Variants in USP24 observed in about 807,000 individuals in gnomAD.
USP24 encodes the protein ubiquitin carboxyl-terminal hydrolase 24.
In USP24, 97 loss-of-function variants were observed where a neutral mutation model predicts 361.6. That is an observed-to-expected ratio of 0.27 (90% CI 0.23 to 0.32). The LOEUF (loss-of-function observed/expected upper bound fraction) is 0.32, where lower values mean the gene tolerates loss of function less well. USP24 is among the 10% of genes least tolerant of loss of function. The pLI, the probability that USP24 is intolerant of heterozygous loss-of-function variation, is 1.00. For missense variants in USP24, 2,353 were observed against 3,165.6 expected (o/e 0.74, Z 6.16); for synonymous variants, 1,098 against 1,124.6 (o/e 0.98, Z 0.47).
intron 28 of USP24, among the ~76,000 whole-genome samples, chr1:55,136,050 G>T (rs1317557407): frequency 3.3e-5 from 5 of 151,852 alleles, no homozygotes; most frequent in Admixed American, 1.3e-4. Flanking sequence ...GGGAGAGAGA[G>T]ATAAACAAGA....
intron 8 of USP24, among the ~76,000 whole-genome samples, chr1:55,160,675 C>T (rs1257139524): frequency 6.6e-6 from 1 of 152,134 alleles, no homozygotes; most frequent in Non-Finnish European, 1.5e-5. Flanking sequence ...GGAATTCATA[C>T]ACTTCTTGTT....
chr1:55,174,041 C>T (rs1649707979), intron 3 of USP24, among the ~76,000 whole-genome samples: 1 of 152,214 alleles, frequency 6.6e-6, no homozygotes, highest in African/African-American at 2.4e-5. Flanking sequence ...AAGGTTTAAA[C>T]ATAACCATGC....
intron 28 of USP24, among the ~76,000 whole-genome samples, chr1:55,135,865 G>A (rs953795370): frequency 5.3e-5 from 8 of 152,106 alleles, no homozygotes; most frequent in South Asian, 4.1e-4. Flanking sequence ...ACAGTCTTAC[G>A]CAGCTTTGTA....
chr1:55,134,963 A>G (rs1033994270), intron 28 of USP24, among the ~76,000 whole-genome samples: 12 of 152,214 alleles, frequency 7.9e-5, no homozygotes, highest in African/African-American at 2.4e-4. Context: ...GTTATAAGGA[A>G]TAAGAAATCG....
At chr1:55,143,822 T>C (rs1646954931) in intron 21 of USP24, among the ~76,000 whole-genome samples, 1 of 152,120 alleles carries the variant, frequency 6.6e-6, no homozygotes, top group African/African-American at 2.4e-5. Context: ...TTAGGTGAAC[T>C]ATCCCTGCTC....
At position 55,069,088 on chromosome 1, in the gene USP24, A is replaced by G; in HGVS notation, c.7820T>C (p.Met2607Thr). 6.2e-7 allele frequency: 1 copy of G among 1,614,008 alleles called. No individual in the cohort carries two copies. Among genetic ancestry groups the G allele is most frequent in the Admixed American group, 1.7e-5 (1 of 60,026 alleles). Residue 2607 changes from methionine (M) to threonine (T), a missense_variant, in exon 68 of 68, where the codon ATG becomes ACG. This residue lies in a region of USP24 where 53 missense variants were observed against 57.7 expected (regional missense o/e 0.92). Transcript: ENST00000294383. ...AAGGTCACTTCTCAACTCACCAATC[A>G]TCATGGGAGATTCTGAACCCTGCAG... ...HLQQGSESPMMIGELRSDLDD... is the reference protein window; with the variant it reads ...HLQQGSESPMTIGELRSDLDD...
chr1:55,105,622 C>A (rs1474944328), intron 41 of USP24, among the ~76,000 whole-genome samples: 1 of 152,146 alleles, frequency 6.6e-6, no homozygotes, highest in African/African-American at 2.4e-5. Flanking sequence ...AGTATAAATA[C>A]CACTCAAGGA....
chr1:55,132,514 A>G, intron 31 of USP24, 31 bp downstream of exon 31: 1 of 1,592,376 alleles, frequency 6.3e-7, no homozygotes, highest in Non-Finnish European at 8.6e-7. Flanking sequence ...AGACCTGTCA[A>G]AATGAAATGG....
At chr1:55,086,340 C>A in intron 55 of USP24, 1 of 372,184 alleles carries the variant, frequency 2.7e-6, no homozygotes, top group East Asian at 4.9e-5. Flanking sequence ...TACAATCAGA[C>A]TCAGCTGCAA....
chr1:55,200,444 G>A (rs1644540168), intron 1 of USP24, among the ~76,000 whole-genome samples: 2 of 152,154 alleles, frequency 1.3e-5, no homozygotes, highest in Admixed American at 6.5e-5. Flanking sequence ...CCAGAAGAGA[G>A]CCAAAGACAT....
Position 55,079,563 on chromosome 1 carries a change from G to T in USP24, c.7175C>A (p.Ser2392Tyr). 6.3e-7 allele frequency: 1 copy of T among 1,577,554 alleles called. No homozygotes were observed. The highest frequency in any genetic ancestry group is 8.6e-7 in the Non-Finnish European group (1 of 1,167,970). The change falls in exon 60 of 68, where the codon TCT becomes TAT. Residue 2392 changes from serine to tyrosine, a missense_variant. Physicochemically the swap from Ser to Tyr is moderately radical, Grantham distance 144. Transcript: ENST00000294383. Reference sequence around the variant, plus strand: ...CTCTAACAGGTAAGGTTTCCCTTCAGACATGAACAACAAGGCTTCTACCTC... The same window carrying T: ...CTCTAACAGGTAAGGTTTCCCTTCATACATGAACAACAAGGCTTCTACCTC... Reference protein sequence around the residue: ...HEEVEALLFMSEGKPYLLEVM... With the variant: ...HEEVEALLFMYEGKPYLLEVM...
At chr1:55,117,467 G>T (rs1646147345) in intron 38 of USP24, among the ~76,000 whole-genome samples, 1 of 152,180 alleles carries the variant, frequency 6.6e-6, no homozygotes, top group Non-Finnish European at 1.5e-5. Context: ...GGTGGCTCAC[G>T]CCTGTAATCC....
intron 23 of USP24, 72 bp downstream of exon 23, chr1:55,142,670 C>T (rs1364789745): frequency 9.4e-7 from 1 of 1,069,050 alleles, no homozygotes; most frequent in Non-Finnish European, 1.3e-6. Flanking sequence ...TATAAATTAT[C>T]TAAAAATATA....
At position 55,178,093 on chromosome 1, in the gene USP24, C is replaced by G. The variant is rs1264762753; in HGVS notation, c.364G>C (p.Glu122Gln). Residue 122 changes from glutamate to glutamine, a missense_variant, in exon 2 of 68, where the codon GAA becomes CAA. Physicochemically the swap from Glu to Gln is conservative, Grantham distance 29. Coordinates refer to ENST00000294383, the MANE Select transcript of USP24 (RefSeq NM_015306.3). ...ENGNCSGEGI[E>Q]FPTTNLYELE... ...TCATATAAATTTGTTGTAGGGAATT[C>G]AATTCCTTCCCCTGAGCAGTTTCCA... The G allele has an allele frequency of 3.9e-6, 6 of 1,551,458 alleles. No individual in the cohort carries two copies. Among genetic ancestry groups the G allele is most frequent in the Admixed American group, 2.0e-5 (1 of 50,982 alleles).
At chr1:55,174,273 G>A (rs557400680) in intron 3 of USP24, among the ~76,000 whole-genome samples, 1 of 152,236 alleles carries the variant, frequency 6.6e-6, no homozygotes, top group South Asian at 2.1e-4. Context: ...TCATCGAACC[G>A]AGAAACACAG....
Position 55,143,139 on chromosome 1 carries a change from T to G in USP24, c.2440-20A>C. On this transcript the variant is annotated intron_variant, in intron 21 of 67. Coordinates refer to ENST00000294383, the MANE Select transcript of USP24 (RefSeq NM_015306.3). The stretch of plus-strand genomic sequence containing the variant: ...TACATACTGTTCAAAAGAAAAAAAA[T>G]TAAATTATAAAGCATATCAAGATCA... 6.8e-7 allele frequency: 1 copy of G among 1,461,726 alleles called. No homozygotes were observed. The highest frequency in any genetic ancestry group is 9.0e-7 in the Non-Finnish European group (1 of 1,108,134). The allele number at this position is 1,461,726 out of a possible 1,614,324, so 90.5% of individuals were successfully genotyped here.
chr1:55,201,176 G>A (rs1421336473), intron 1 of USP24, among the ~76,000 whole-genome samples: 1 of 152,128 alleles, frequency 6.6e-6, no homozygotes, highest in Non-Finnish European at 1.5e-5. Context: ...AGCATGAATG[G>A]GGGAAATGTG....
In USP24 at chr1:55,107,232, T is replaced by C. The variant is rs369396610; in HGVS notation, c.4762+7A>G. 6.2e-7 allele frequency: 1 copy of C among 1,607,702 alleles called. No individual in the cohort carries two copies. The highest frequency in any genetic ancestry group is 8.5e-7 in the Non-Finnish European group (1 of 1,177,022). ...TCTGCCATGTGATAAGATGGAGCAATAATTACCAAGCATTTCCTTTTCTGC... is the reference window on the plus strand; with the variant it reads ...TCTGCCATGTGATAAGATGGAGCAACAATTACCAAGCATTTCCTTTTCTGC... On this transcript the variant is annotated splice_region_variant and intron_variant, in intron 40 of 67. Transcript: ENST00000294383.
intron 44 of USP24, among the ~76,000 whole-genome samples, chr1:55,100,615 A>G (rs1645609866): frequency 6.6e-6 from 1 of 152,230 alleles, no homozygotes; most frequent in South Asian, 2.1e-4. Context: ...AAATATTCAA[A>G]ATAATTAAGA....
Sources: gnomAD v4.1 joint callset for allele counts (sites outside exome capture counted in the v4.1 genomes callset) on GRCh38, gnomAD v4.1.1 for gene constraint, gnomAD v4.1.1 regional missense constraint, MANE v1.5 for transcripts, NCBI Gene and HGNC (gene_info 2026-07-23, HGNC 2026-07-21) for gene names.